The following RPGRIP1 variants were observed in gnomAD, a reference collection of about 807,000 sequenced individuals.
RPGRIP1 encodes the protein RPGR interacting protein 1.
Under a neutral mutation model 157.9 loss-of-function variants are expected in RPGRIP1, and 128 were observed. The ratio of observed to expected loss-of-function variants is 0.81; its 90% CI spans 0.70 to 0.94. The LOEUF (loss-of-function observed/expected upper bound fraction) is 0.94. RPGRIP1 is among the 40% of genes least tolerant of loss of function. RPGRIP1 has a pLI of 0.00. For synonymous variants in RPGRIP1, 554 were observed against 571.6 expected (o/e 0.97, Z 0.44); for missense variants, 1,486 against 1,545.8 (o/e 0.96, Z 0.65).
At chr14:21,327,568 G>A in intron 17 of RPGRIP1, 55 bp from the exon 18 acceptor site, 1 of 1,462,928 alleles carries the variant, frequency 6.8e-7, no homozygotes, top group Non-Finnish European at 9.6e-7. Context: ...GCTGACAAAT[G>A]CTCACTTGCT....
chr14:21,334,551 C>T, intron 20 of RPGRIP1, 54 bp from the exon 21 acceptor site: 1 of 1,265,320 alleles, frequency 7.9e-7, no homozygotes, highest in Non-Finnish European at 1.1e-6. Flanking sequence ...TGGGTCTTTT[C>T]TTGGGCTAAA....
Position 21,325,030 on chromosome 14 carries a change from A to C in RPGRIP1, c.2175A>C (p.Leu725=), listed in dbSNP as rs1566342513. ...GATGGATTTGCTTTGACAGGGTGCT[A>C]GAGACTGTGGAGAAAGTCCATGGCT... ...AAGWICFDRV[L]ETVEKVHGLA... is the part of the protein sequence containing the mutation. The change falls in exon 15 of 25, where the codon CTA becomes CTC. Residue 725 remains leucine, a synonymous_variant. Coordinates refer to ENST00000400017, the MANE Select transcript of RPGRIP1 (RefSeq NM_020366.4). 6.2e-7 allele frequency: 1 copy of C among 1,613,270 alleles called. No homozygotes were observed. The highest frequency in any genetic ancestry group is 1.3e-5 in the African/African-American group (1 of 74,946).
At chr14:21,322,288 G>C (rs1432723990) in intron 14 of RPGRIP1, among the ~76,000 whole-genome samples, 1 of 152,070 alleles carries the variant, frequency 6.6e-6, no homozygotes, top group African/African-American at 2.4e-5. Context: ...CTCCCAAGTA[G>C]CTGGGATGAC....
chr14:21,324,588 A>G, intron 14 of RPGRIP1, 30 bp from the exon 15 acceptor site: 16 of 1,586,436 alleles, frequency 1.0e-5, no homozygotes, highest in Non-Finnish European at 1.3e-5. Context: ...CCTACCCTTT[A>G]ACGGATAGGC....
intron 21 of RPGRIP1, among the ~76,000 whole-genome samples, chr14:21,338,062 G>A (rs1344065197): frequency 5.3e-5 from 8 of 152,014 alleles, no homozygotes; most frequent in East Asian, 1.9e-4. Context: ...GACTACAGGC[G>A]CACGCCACCA....
rs370533979 is a variant in RPGRIP1 at position 21,325,399 on chromosome 14, T to C, written c.2367+16T>C. Reference sequence around the variant, plus strand: ...GGAAGAGGAGGTGAGAAAAAAGATGTGCCGAGGCATCTCAGAGGAGCCTCA... The same window carrying C: ...GGAAGAGGAGGTGAGAAAAAAGATGCGCCGAGGCATCTCAGAGGAGCCTCA... On this transcript the variant is annotated intron_variant, in intron 16 of 24. Transcript: ENST00000400017. 2.5e-5 allele frequency: 39 copies of C among 1,556,302 alleles called. 1 individual carries two copies. Among genetic ancestry groups the C allele is most frequent in the Non-Finnish European group, 3.4e-5 (39 of 1,150,080 alleles).
chr14:21,337,874 G>C (rs1265570537), intron 21 of RPGRIP1, among the ~76,000 whole-genome samples: 1 of 146,608 alleles, frequency 6.8e-6, no homozygotes, highest in Non-Finnish European at 1.5e-5. Context: ...TCCTGCCTCA[G>C]CTTCCCAAGT....
intron 1 of RPGRIP1, among the ~76,000 whole-genome samples, chr14:21,283,899 G>A (rs893930049): frequency 2.0e-5 from 3 of 152,236 alleles, no homozygotes; most frequent in Middle Eastern, 3.4e-3. Context: ...CCAAAGTGTT[G>A]GGATTATAAA....
intron 21 of RPGRIP1, among the ~76,000 whole-genome samples, chr14:21,338,106 T>C (rs60373936): frequency 0.17 from 26,036 of 151,896 alleles, 2,698 homozygotes; most frequent in African/African-American, 0.28. Context: ...TTAGTAGAGA[T>C]GGGGTTTCAC....
intron 21 of RPGRIP1, among the ~76,000 whole-genome samples, chr14:21,335,548 A>C (rs1272703259): frequency 6.6e-6 from 1 of 152,194 alleles, no homozygotes; most frequent in African/African-American, 2.4e-5. Flanking sequence ...AAAGAAAAAA[A>C]AGCCGGTTGC....
intron 10 of RPGRIP1, among the ~76,000 whole-genome samples, chr14:21,314,435 A>G (rs1253227994): frequency 5.3e-5 from 8 of 152,036 alleles, no homozygotes; most frequent in Non-Finnish European, 1.2e-4. Flanking sequence ...GCATGTATTC[A>G]TGCATTAATT....
intron 24 of RPGRIP1, among the ~76,000 whole-genome samples, chr14:21,349,644 C>T (rs1399541832): frequency 3.3e-5 from 5 of 151,070 alleles, no homozygotes; most frequent in East Asian, 2.0e-4. Context: ...TCATGTGATT[C>T]GCCCTCCACT....
chr14:21,307,620 C>T (rs954428240), intron 6 of RPGRIP1, 111 bp from the exon 7 acceptor site: 15 of 686,904 alleles, frequency 2.2e-5, no homozygotes, highest in South Asian at 1.7e-4. Flanking sequence ...GTGGGTAAGA[C>T]GGGAAGGCAA....
At chr14:21,319,603 T>C (rs1237344359) in intron 11 of RPGRIP1, among the ~76,000 whole-genome samples, 2 of 151,964 alleles carry the variant, frequency 1.3e-5, no homozygotes, top group African/African-American at 4.8e-5. Context: ...GAAATGCCCA[T>C]CCTCCATCCA....
Position 21,328,569 on chromosome 14 carries a change from A to C in RPGRIP1, c.3041A>C (p.Gln1014Pro). The change falls in exon 19 of 25, where the codon CAA (glutamine) becomes CCA (proline). Residue 1014 changes from glutamine (Q) to proline (P), a missense_variant. Transcript: ENST00000400017. ...RRKHGKRIGV[Q>P]GKNRMEYLSL... is the part of the protein sequence containing the mutation. ...AAACATGGCAAAAGAATAGGTGTTCAAGGAAAGAATAGAATGGAGTATCTT... is the reference window on the plus strand; with the variant it reads ...AAACATGGCAAAAGAATAGGTGTTCCAGGAAAGAATAGAATGGAGTATCTT... 6.2e-7 allele frequency: 1 copy of C among 1,613,820 alleles called. No homozygotes were observed. Among genetic ancestry groups the C allele is most frequent in the Non-Finnish European group, 8.5e-7 (1 of 1,179,734 alleles).
chr14:21,337,438 CTTT>C (rs869108147), intron 21 of RPGRIP1, among the ~76,000 whole-genome samples: 9 of 128,692 alleles, frequency 7.0e-5, no homozygotes, highest in Non-Finnish European at 6.5e-5. Flanking sequence ...CAATGTTAAG[CTTT>C]TTTTTTTTTT....
intron 5 of RPGRIP1, 109 bp from the exon 6 acceptor site, chr14:21,303,222 C>T: frequency 1.4e-6 from 1 of 733,650 alleles, no homozygotes; most frequent in Non-Finnish European, 2.2e-6. Context: ...ATAAGATTTT[C>T]CTCGACATGT....
rs377024599 is a variant in RPGRIP1 at position 21,319,999 on chromosome 14, T to G, written c.1307-18T>G. On this transcript the variant is annotated intron_variant, in intron 11 of 24. Coordinates refer to ENST00000400017, the MANE Select transcript of RPGRIP1 (RefSeq NM_020366.4). The stretch of plus-strand genomic sequence containing the variant: ...AAATAACTACAGAATTTCACATTTC[T>G]GGATTATTTTTCCCCAGCCCAAAAT... 824 of 1,600,054 alleles carry G rather than the reference T, an allele frequency of 5.1e-4. No homozygotes were observed. Among genetic ancestry groups the G allele is most frequent in the Non-Finnish European group, 6.6e-4 (777 of 1,172,626 alleles).
At chr14:21,284,540 ATTT>A (rs67923336) in intron 1 of RPGRIP1, among the ~76,000 whole-genome samples, 2 of 130,460 alleles carry the variant, frequency 1.5e-5, no homozygotes, top group Non-Finnish European at 1.6e-5. Context: ...GGAGAACTAA[ATTT>A]TTTTTTTTTT....
Sources: allele counts gnomAD v4.1 joint callset (sites outside exome capture counted in the v4.1 genomes callset), GRCh38; gene constraint gnomAD v4.1.1; transcripts MANE v1.5; gene names NCBI Gene and HGNC (gene_info 2026-07-23, HGNC 2026-07-21).